MMP26: variants seen among roughly 807,000 people sequenced by gnomAD.
MMP26 encodes matrix metalloproteinase-26.
A neutral mutation model predicts 31.0 loss-of-function variants in MMP26; 33 were observed. That is an observed-to-expected ratio of 1.06 (90% CI 0.81 to 1.42). The LOEUF is 1.42. MMP26 is among the 40% of genes most tolerant of loss of function. The pLI, the probability that MMP26 is intolerant of heterozygous loss-of-function variation, is 0.00. For synonymous variants in MMP26, 122 were observed against 114.9 expected (o/e 1.06, Z -0.40); for missense variants, 347 against 316.1 (o/e 1.10, Z -0.74).
chr11:4,783,479 CT>C (rs1848893333), intron 2 of MMP26, among the ~76,000 whole-genome samples: 2 of 152,170 alleles, frequency 1.3e-5, no homozygotes, highest in Non-Finnish European at 2.9e-5. Context: ...ATTTTACAGG[CT>C]CATAAGCAGA....
intron 2 of MMP26, chr11:4,768,941 A>G (rs1848667069): frequency 1.4e-6 from 2 of 1,399,412 alleles, no homozygotes; most frequent in Non-Finnish European, 1.9e-6. Flanking sequence ...AGTGCAAGTC[A>G]TTCATGCCAG....
intron 2 of MMP26, among the ~76,000 whole-genome samples, chr11:4,878,277 A>C (rs61880579): frequency 0.014 from 2,183 of 152,226 alleles, 36 homozygotes; most frequent in Non-Finnish European, 0.02. Context: ...TTTTTTGAGA[A>C]ATCTATCCGG....
At chr11:4,799,092 G>C (rs5005347) in intron 2 of MMP26, among the ~76,000 whole-genome samples, 56,105 of 152,032 alleles carry the variant, frequency 0.37, 11,438 homozygotes, top group African/African-American at 0.52. Flanking sequence ...AATGGAAAAT[G>C]GAGTCCCTCA....
At chr11:4,882,386 G>A (rs75240604) in intron 2 of MMP26, 2 of 1,613,256 alleles carry the variant, frequency 1.2e-6, no homozygotes, top group Non-Finnish European at 1.7e-6. Context: ...TCCCCTTCTT[G>A]TAGCCATAAA....
chr11:4,716,527 G>A (rs112009329), intron 1 of MMP26, among the ~76,000 whole-genome samples: 1 of 150,986 alleles, frequency 6.6e-6, no homozygotes, highest in Admixed American at 6.6e-5. Flanking sequence ...CGTTGTTCTT[G>A]TTGTTTTTAA....
In MMP26 at chr11:4,950,687, ATAT is replaced by A. The variant is rs1238240285; in HGVS notation, c.-144-37371_-144-37369del. ...TTTCTAATGTTCTCATCAAAAAAAAATATTATTATTATATATATCTGACAAATG... is the reference window on the plus strand; with the variant it reads ...TTTCTAATGTTCTCATCAAAAAAAAATATTATTATATATATCTGACAAATG... On this transcript the variant is annotated intron_variant, in intron 2 of 7. Transcript: ENST00000380390. 2.4e-5 allele frequency among the ~76,000 whole-genome samples: 3 copies of A among 123,402 alleles called. 1 individual carries two copies. The highest frequency in any genetic ancestry group is 1.8e-4 in the Admixed American group (2 of 11,002). The allele number at this position is 123,402 out of a possible 152,430, so 81.0% of individuals were successfully genotyped here. A position where few individuals can be genotyped will look rare whatever the true frequency, so the allele number is the denominator to read the frequency against.
chr11:4,793,383 G>A (rs1354814228), intron 2 of MMP26, among the ~76,000 whole-genome samples: 2 of 152,074 alleles, frequency 1.3e-5, no homozygotes, highest in Admixed American at 6.6e-5. Context: ...GATAAAAAAC[G>A]AGAGACTTAT....
chr11:4,923,664 T>A lies in MMP26; in HGVS notation c.-144-64404T>A, dbSNP rs1431285020. ...TGGTGGGAGGCAATGCTGAGCACGG[T>A]GCGAAGGATGAGGGCGTATGAGAGA... On this transcript the variant is annotated intron_variant, in intron 2 of 7. Coordinates refer to ENST00000380390, the MANE Select transcript of MMP26 (RefSeq NM_021801.5). The A allele has an allele frequency of 6.8e-6, 11 of 1,613,624 alleles. No individual in the cohort carries two copies. Among genetic ancestry groups the A allele is most frequent in the Non-Finnish European group, 9.3e-6 (11 of 1,179,908 alleles).
intron 2 of MMP26, chr11:4,803,669 G>A (rs1478135032): frequency 1.2e-6 from 2 of 1,613,928 alleles, no homozygotes. Flanking sequence ...AAAGCTTTGA[G>A]GCGGGCTTCA....
At chr11:4,989,221 G>A (rs1175592327) in intron 3 of MMP26, among the ~76,000 whole-genome samples, 1 of 152,166 alleles carries the variant, frequency 6.6e-6, no homozygotes, top group Non-Finnish European at 1.5e-5. Context: ...GGAAGTAAAT[G>A]CAAATGAAAT....
chr11:4,961,756 G>A (rs561400905), intron 2 of MMP26, among the ~76,000 whole-genome samples: 1 of 152,160 alleles, frequency 6.6e-6, no homozygotes, highest in South Asian at 2.1e-4. Context: ...TAGATTTCAG[G>A]GATATGAACA....
intron 2 of MMP26, among the ~76,000 whole-genome samples, chr11:4,791,683 T>C (rs1849030376): frequency 6.6e-6 from 1 of 152,212 alleles, no homozygotes; most frequent in Non-Finnish European, 1.5e-5. Flanking sequence ...TCTCCATTTC[T>C]CTATGGCTAT....
chr11:4,908,098 C>T (rs1850931328), intron 2 of MMP26: 2 of 1,614,102 alleles, frequency 1.2e-6, no homozygotes, highest in Non-Finnish European at 1.7e-6. Context: ...GTGTCTCCCA[C>T]ATCTGTGCTG....
intron 2 of MMP26, among the ~76,000 whole-genome samples, chr11:4,954,388 TAG>T (rs1257507735): frequency 8.0e-6 from 1 of 125,056 alleles, no homozygotes; most frequent in Non-Finnish European, 1.8e-5. Context: ...TTAAAATGGA[TAG>T]AGAGACAGAT....
intron 1 of MMP26, among the ~76,000 whole-genome samples, chr11:4,715,018 TA>T (rs1589881637): frequency 1.3e-5 from 2 of 152,006 alleles, no homozygotes; most frequent in East Asian, 1.9e-4. Flanking sequence ...GCCACATATA[TA>T]ATTTTAGGCA....
chr11:4,943,674 G>A (rs948468182), intron 2 of MMP26: 1 of 357,600 alleles, frequency 2.8e-6, no homozygotes, highest in African/African-American at 2.1e-5. Context: ...TCTCTTGGAG[G>A]TAACATTGCT....
intron 2 of MMP26, among the ~76,000 whole-genome samples, chr11:4,840,363 C>T (rs1400166637): frequency 6.6e-6 from 1 of 152,186 alleles, no homozygotes; most frequent in Non-Finnish European, 1.5e-5. Context: ...TACAGCAGGC[C>T]TTGGGTGAGA....
chr11:4,926,132 C>G (rs1851269067), intron 2 of MMP26, among the ~76,000 whole-genome samples: 1 of 152,020 alleles, frequency 6.6e-6, no homozygotes, highest in Non-Finnish European at 1.5e-5. Context: ...GCTTTTGCCA[C>G]TCACATTTCA....
chr11:4,984,707 T>G (rs977030631), intron 2 of MMP26, among the ~76,000 whole-genome samples: 5 of 152,314 alleles, frequency 3.3e-5, no homozygotes, highest in African/African-American at 1.2e-4. Context: ...AGTAAATTTG[T>G]CAATTGACAA....
Sources: gnomAD v4.1 joint callset for allele counts (sites outside exome capture counted in the v4.1 genomes callset) on GRCh38, gnomAD v4.1.1 for gene constraint, MANE v1.5 for transcripts, NCBI Gene and HGNC (gene_info 2026-07-23, HGNC 2026-07-21) for gene names.